The following SLC22A13 variants were observed in gnomAD, a reference collection of about 807,000 sequenced individuals.
The protein encoded by SLC22A13 is organic anion transporter 10.
In SLC22A13, 42 loss-of-function variants were observed where a neutral mutation model predicts 49.1. That is an observed-to-expected ratio of 0.85 (90% confidence interval 0.67 to 1.11). The LOEUF (loss-of-function observed/expected upper bound fraction) is 1.11. SLC22A13 is among the 50% of genes least tolerant of loss of function. The pLI is 0.00. For missense variants in SLC22A13, 694 were observed against 712.8 expected (o/e 0.97, Z 0.30); for synonymous variants, 282 against 293.1 (o/e 0.96, Z 0.39).
rs1703614217 is a variant in SLC22A13, at chr3:38,278,727, G to C, written c.*1262G>C. Among the ~76,000 whole-genome samples the C allele has an allele frequency of 1.3e-5, 2 of 151,354 alleles. No homozygotes were observed. Among genetic ancestry groups the C allele is most frequent in the Non-Finnish European group, 2.9e-5 (2 of 67,950 alleles). ...CCCAGCTACTTGGGAGGCTGAGGCAGGAGAATCGCTTGAACCTGGGAGGCG... is the reference window on the plus strand; with the variant it reads ...CCCAGCTACTTGGGAGGCTGAGGCACGAGAATCGCTTGAACCTGGGAGGCG... On this transcript the variant is annotated 3_prime_UTR_variant, in exon 10 of 10. Coordinates refer to ENST00000311856, the MANE Select transcript of SLC22A13 (RefSeq NM_004256.4).
At chr3:38,271,352 C>T (rs1412462515) in intron 1 of SLC22A13, among the ~76,000 whole-genome samples, 1 of 151,694 alleles carries the variant, frequency 6.6e-6, no homozygotes, top group Non-Finnish European at 1.5e-5. Flanking sequence ...ATCACTTGAG[C>T]CCAAGAGTTC....
At chr3:38,270,566 A>C (rs930393982) in intron 1 of SLC22A13, 3 of 189,952 alleles carry the variant, frequency 1.6e-5, no homozygotes, top group African/African-American at 4.7e-5. Flanking sequence ...GATACTTAGC[A>C]ATTGCAATCT....
intron 1 of SLC22A13, among the ~76,000 whole-genome samples, chr3:38,273,586 G>A (rs9832392): frequency 0.056 from 8,547 of 152,124 alleles, 698 homozygotes; most frequent in African/African-American, 0.18. Flanking sequence ...ATGGAGAAGC[G>A]GCCCCATTTG....
chr3:38,271,607 T>C (rs1703523513), intron 1 of SLC22A13, among the ~76,000 whole-genome samples: 1 of 139,442 alleles, frequency 7.2e-6, no homozygotes, highest in Admixed American at 7.3e-5. Context: ...AATGGGAAGG[T>C]GGGAAGACCA....
Position 38,266,228 on chromosome 3 carries a change from T to G in SLC22A13, c.368T>G (p.Leu123Arg), listed in dbSNP as rs1703463279. ...WEYPENRLPS[L>R]KNEFNLVCDR... ...TATCCTGAGAACAGGCTCCCATCCCTGAAGAATGAGGTAGGCTTGTCCTTT... is the reference window on the plus strand; with the variant it reads ...TATCCTGAGAACAGGCTCCCATCCCGGAAGAATGAGGTAGGCTTGTCCTTT... Residue 123 changes from leucine (L) to arginine (R), a missense_variant, in exon 1 of 10, where the codon CTG (leucine) becomes CGG (arginine). By Grantham distance (102) the Leu-to-Arg change is moderately radical. Transcript: ENST00000311856. 1 of 1,613,562 alleles carries G rather than the reference T, an allele frequency of 6.2e-7. No homozygotes were observed. Among genetic ancestry groups the G allele is most frequent in the South Asian group, 1.1e-5 (1 of 91,076 alleles).
At chr3:38,271,743 G>A (rs1199757809) in intron 1 of SLC22A13, among the ~76,000 whole-genome samples, 12 of 152,100 alleles carry the variant, frequency 7.9e-5, no homozygotes, top group Non-Finnish European at 1.6e-4. Context: ...GCATATTTAG[G>A]AATGCTGACA....
At position 38,266,110 on chromosome 3, in the gene SLC22A13, C is replaced by G; in HGVS notation, c.250C>G (p.Leu84Val). 6.2e-7 allele frequency: 1 copy of G among 1,614,086 alleles called. No homozygotes were observed. Among genetic ancestry groups the G allele is most frequent in the Non-Finnish European group, 8.5e-7 (1 of 1,180,026 alleles). ...LDTAGHPEPC[L>V]MFRPPPANAS... ...CACTGCAGGTCACCCAGAGCCCTGC[C>G]TCATGTTCCGGCCACCCCCCGCCAA... The change falls in exon 1 of 10, where the codon CTC becomes GTC. Residue 84 changes from leucine to valine, a missense_variant. Transcript: ENST00000311856.
At chr3:38,266,372 C>A in intron 1 of SLC22A13, 134 bp downstream of exon 1, 1 of 1,049,230 alleles carries the variant, frequency 9.5e-7, no homozygotes, top group Non-Finnish European at 1.4e-6. Context: ...ATATGTTTTT[C>A]ATTTTGTCAA....
intron 1 of SLC22A13, among the ~76,000 whole-genome samples, chr3:38,268,360 C>T (rs1244881269): frequency 2.6e-5 from 4 of 152,166 alleles, no homozygotes. Context: ...CTCGATGAAG[C>T]AGACCTCCAT....
In SLC22A13 at chr3:38,273,237, A is replaced by G. The variant is rs982794846; in HGVS notation, c.379-1035A>G. 3.9e-5 allele frequency among the ~76,000 whole-genome samples: 6 copies of G among 152,148 alleles called. No homozygotes were observed. The East Asian group carries it at 5.8e-4, about 15-fold the overall frequency. Reference sequence around the variant, plus strand: ...GTCAAGTGAGTCAAGTGCACATACAATAGACGTGTGTACAGAGTGGTATGG... The same window carrying G: ...GTCAAGTGAGTCAAGTGCACATACAGTAGACGTGTGTACAGAGTGGTATGG... On this transcript the variant is annotated intron_variant, in intron 1 of 9. Coordinates refer to ENST00000311856, the MANE Select transcript of SLC22A13 (RefSeq NM_004256.4).
At chr3:38,266,410 A>G (rs1703465330) in intron 1 of SLC22A13, among the ~76,000 whole-genome samples, 172 bp downstream of exon 1, 1 of 152,070 alleles carries the variant, frequency 6.6e-6, no homozygotes, top group South Asian at 2.1e-4. Flanking sequence ...TCCTCTGCCT[A>G]TTGACCCATC....
intron 1 of SLC22A13, among the ~76,000 whole-genome samples, chr3:38,272,098 A>G (rs758499386): frequency 6.6e-6 from 1 of 152,204 alleles, no homozygotes; most frequent in Non-Finnish European, 1.5e-5. Flanking sequence ...GCTGCTGCAC[A>G]AGGGGAATGA....
Sources: allele counts gnomAD v4.1 joint callset (sites outside exome capture counted in the v4.1 genomes callset), GRCh38; gene constraint gnomAD v4.1.1; transcripts MANE v1.5; gene names NCBI Gene and HGNC (gene_info 2026-07-23, HGNC 2026-07-21).